PLCE1: variants seen among roughly 807,000 people sequenced by gnomAD.
PLCE1 encodes the protein 1-phosphatidylinositol 4,5-bisphosphate phosphodiesterase epsilon-1.
Under a neutral mutation model 242.8 loss-of-function variants are expected in PLCE1, and 119 were observed. That is an observed-to-expected ratio of 0.49 (90% CI 0.42 to 0.57). The LOEUF (loss-of-function observed/expected upper bound fraction) is 0.57. PLCE1 is among the 20% of genes least tolerant of loss of function. The probability of loss-of-function intolerance (pLI) is 0.00; values close to 1 mark genes in which losing one functional copy is unlikely to be tolerated. For missense variants in PLCE1, 2,441 were observed against 2,788.8 expected (o/e 0.88, Z 2.81); for synonymous variants, 945 against 1,017.4 (o/e 0.93, Z 1.35).
intron 13 of PLCE1, among the ~76,000 whole-genome samples, chr10:94,259,725 CA>C (rs2051229595): frequency 6.6e-6 from 1 of 152,094 alleles, no homozygotes; most frequent in African/African-American, 2.4e-5. Flanking sequence ...TTCTGACAAC[CA>C]AAAACCCTTT....
In PLCE1 at chr10:94,062,590, T is replaced by TG. The variant is rs371302388; in HGVS notation, c.1206+30338_1206+30339insG. ...ATTGGTTTCTTGGTTTTGTTTTTTT[T>TG]TTTGTTTTGTTTTGTTTTTTTTTTT... On this transcript the variant is annotated intron_variant, in intron 2 of 32. Coordinates refer to ENST00000371380, the MANE Select transcript of PLCE1 (RefSeq NM_016341.4). Among the ~76,000 whole-genome samples the TG allele has an allele frequency of 7.3e-5, 8 of 109,860 alleles. No individual in the cohort carries two copies. The South Asian group carries it at 1.0e-3, about 14-fold the overall frequency. The allele number at this position is 109,860 out of a possible 152,430, so 72.1% of individuals were successfully genotyped here.
At chr10:94,042,304 T>C (rs2061785010) in intron 2 of PLCE1, among the ~76,000 whole-genome samples, 1 of 152,164 alleles carries the variant, frequency 6.6e-6, no homozygotes, top group Non-Finnish European at 1.5e-5. Flanking sequence ...GGCTGGATGC[T>C]TTCTGTGTCT....
At chr10:94,125,440 T>A (rs2046410351) in intron 2 of PLCE1, among the ~76,000 whole-genome samples, 1 of 152,082 alleles carries the variant, frequency 6.6e-6, no homozygotes, top group Non-Finnish European at 1.5e-5. Context: ...TTCCCCAGGC[T>A]GGAGTGCAGT....
intron 2 of PLCE1, among the ~76,000 whole-genome samples, chr10:94,092,263 C>T (rs1036467524): frequency 1.3e-5 from 2 of 151,962 alleles, no homozygotes; most frequent in Non-Finnish European, 2.9e-5. Flanking sequence ...TTGAGAGGCA[C>T]GGGTGAGAAG....
intron 5 of PLCE1, among the ~76,000 whole-genome samples, chr10:94,231,975 C>A (rs1222917739): frequency 2.6e-5 from 4 of 152,196 alleles, no homozygotes; most frequent in African/African-American, 7.2e-5. Context: ...TGGTCTAAGA[C>A]TATCTACCAT....
chr10:94,052,755 A>G (rs2043800296), intron 2 of PLCE1, among the ~76,000 whole-genome samples: 1 of 152,146 alleles, frequency 6.6e-6, no homozygotes, highest in South Asian at 2.1e-4. Context: ...AGTGAGCATC[A>G]TATCTCATTT....
chr10:94,327,533 G>C (rs370876878), intron 32 of PLCE1, among the ~76,000 whole-genome samples: 43 of 152,274 alleles, frequency 2.8e-4, no homozygotes, highest in African/African-American at 9.9e-4. Context: ...AAGAGGGAGA[G>C]AGAGCAAAAA....
At chr10:94,000,559 A>G (rs1463067044) in intron 1 of PLCE1, among the ~76,000 whole-genome samples, 1 of 152,262 alleles carries the variant, frequency 6.6e-6, no homozygotes, top group African/African-American at 2.4e-5. Flanking sequence ...CATGGGCTAG[A>G]ATAAGAATTC....
chr10:94,296,014 T>A (rs889952456), intron 23 of PLCE1, among the ~76,000 whole-genome samples: 5 of 152,188 alleles, frequency 3.3e-5, no homozygotes, highest in Non-Finnish European at 4.4e-5. Context: ...TCTCTAGCTA[T>A]GAAAGTCCTA....
At chr10:94,045,169 TA>T (rs796873991) in intron 2 of PLCE1, among the ~76,000 whole-genome samples, 1 of 151,916 alleles carries the variant, frequency 6.6e-6, no homozygotes, top group Non-Finnish European at 1.5e-5. Flanking sequence ...CCCGGATAAT[TA>T]AAAAAATTTT....
intron 7 of PLCE1, among the ~76,000 whole-genome samples, chr10:94,241,503 G>T (rs2050500420): frequency 6.6e-6 from 1 of 152,128 alleles, no homozygotes; most frequent in African/African-American, 2.4e-5. Flanking sequence ...CCAAAAGAAA[G>T]CCCCTTGGCC....
At chr10:94,006,050 C>T (rs572958218) in intron 1 of PLCE1, among the ~76,000 whole-genome samples, 1 of 152,318 alleles carries the variant, frequency 6.6e-6, no homozygotes. Flanking sequence ...ATCAGGCATA[C>T]CCGGGTTTGA....
Position 94,308,711 on chromosome 10 carries a change from C to G in PLCE1, c.6003+12C>G. ...TGTCAGCCTCTTCGGTAATGAAGTT[C>G]TGTTTCACTCAACATATTTATGGGG... On this transcript the variant is annotated intron_variant, in intron 27 of 32. Coordinates refer to ENST00000371380, the MANE Select transcript of PLCE1 (RefSeq NM_016341.4). 6.6e-7 allele frequency: 1 copy of G among 1,507,670 alleles called. No individual in the cohort carries two copies. Among genetic ancestry groups the G allele is most frequent in the Non-Finnish European group, 9.2e-7 (1 of 1,082,962 alleles). 93.4% of individuals were successfully genotyped at this position (1,507,670 alleles called of 1,614,324 possible). A position where few individuals can be genotyped will look rare whatever the true frequency, so the allele number is the denominator to read the frequency against.
At chr10:94,267,610 T>C (rs1207156164) in intron 16 of PLCE1, among the ~76,000 whole-genome samples, 1 of 152,222 alleles carries the variant, frequency 6.6e-6, no homozygotes, top group Non-Finnish European at 1.5e-5. Flanking sequence ...TATCTAAGGT[T>C]ACACAGACTT....
intron 2 of PLCE1, among the ~76,000 whole-genome samples, chr10:94,076,657 C>A (rs2044511346): frequency 6.6e-6 from 1 of 152,070 alleles, no homozygotes; most frequent in Non-Finnish European, 1.5e-5. Context: ...TTGGAGTGTA[C>A]AGTTGGAGGA....
rs535059874 is a variant in PLCE1 at position 94,057,142 on chromosome 10, T to C, written c.1206+24890T>C. On this transcript the variant is annotated intron_variant, in intron 2 of 32. Coordinates refer to ENST00000371380, the MANE Select transcript of PLCE1 (RefSeq NM_016341.4). Reference sequence around the variant, plus strand: ...ATGCAAATTTTTGTGTGGATATATGTTTTCAATTCTTCTGGTTATATATAT... The same window carrying C: ...ATGCAAATTTTTGTGTGGATATATGCTTTCAATTCTTCTGGTTATATATAT... 2.6e-5 allele frequency among the ~76,000 whole-genome samples: 4 copies of C among 152,298 alleles called. No homozygotes were observed. The East Asian group carries it at 7.7e-4, about 29-fold the overall frequency.
chr10:94,308,421 G>A (rs896105664), intron 26 of PLCE1, among the ~76,000 whole-genome samples, 160 bp from the exon 27 acceptor site: 1 of 152,182 alleles, frequency 6.6e-6, no homozygotes, highest in Non-Finnish European at 1.5e-5. Context: ...GTAACTCAGG[G>A]GGCAGCACTC....
intron 11 of PLCE1, among the ~76,000 whole-genome samples, chr10:94,256,505 A>T (rs754286017): frequency 6.6e-6 from 1 of 152,250 alleles, no homozygotes; most frequent in East Asian, 1.9e-4. Context: ...TCAAGGTTAT[A>T]TGGGAATTCT....
At chr10:94,087,349 C>CAA (rs57482986) in intron 2 of PLCE1, among the ~76,000 whole-genome samples, 72 of 67,304 alleles carry the variant, frequency 1.1e-3, no homozygotes, top group Middle Eastern at 9.8e-3. Context: ...GACCCTGTCT[C>CAA]AAAAAAAAAA....
Sources: allele counts gnomAD v4.1 joint callset (sites outside exome capture counted in the v4.1 genomes callset), GRCh38; gene constraint gnomAD v4.1.1; transcripts MANE v1.5; gene names NCBI Gene and HGNC (gene_info 2026-07-23, HGNC 2026-07-21).